Variants in RBFOX1 observed in about 807,000 individuals in gnomAD.
RBFOX1 encodes RNA binding fox-1 homolog 1.
A neutral mutation model predicts 57.7 loss-of-function variants in RBFOX1; 8 were observed. The observed-to-expected ratio is 0.14, with a 90% CI of 0.08 to 0.25. RBFOX1 has a LOEUF of 0.25. Among genes scored for constraint, RBFOX1 ranks in the 10% least tolerant of loss-of-function variants. The pLI, the probability that RBFOX1 is intolerant of heterozygous loss-of-function variation, is 1.00. For synonymous variants in RBFOX1, 326 were observed against 222.4 expected (o/e 1.47, Z -4.15); for missense variants, 611 against 548.5 (o/e 1.11, Z -1.14).
chr16:6,603,046 T>A (rs2097874746), intron 2 of RBFOX1, among the ~76,000 whole-genome samples: 1 of 152,220 alleles, frequency 6.6e-6, no homozygotes, highest in Admixed American at 6.5e-5. Context: ...GTATTTACTG[T>A]CATTGTCTAC....
At chr16:7,032,898 G>A (rs1310944099) in intron 3 of RBFOX1, among the ~76,000 whole-genome samples, 5 of 152,146 alleles carry the variant, frequency 3.3e-5, no homozygotes, top group Non-Finnish European at 7.4e-5. Context: ...CTGAGAGCAT[G>A]TCTCTCTTTT....
intron 10 of RBFOX1, 151 bp downstream of exon 10, chr16:7,607,489 G>A (rs2095322968): frequency 2.7e-6 from 2 of 748,854 alleles, no homozygotes; most frequent in Admixed American, 2.9e-5. Context: ...AATCAAGAGT[G>A]CTTAAAACAG....
chr16:6,489,094 G>A (rs764427934), intron 2 of RBFOX1, among the ~76,000 whole-genome samples: 4 of 152,112 alleles, frequency 2.6e-5, no homozygotes, highest in Non-Finnish European at 5.9e-5. Flanking sequence ...GGGTCGTTGT[G>A]ATTTAAAGTG....
chr16:6,313,825 T>TAA (rs60057850), intron 1 of RBFOX1, among the ~76,000 whole-genome samples: 44,208 of 150,094 alleles, frequency 0.29, 7,199 homozygotes, highest in Middle Eastern at 0.4. Flanking sequence ...ACATTTTAGT[T>TAA]AAAAAAAAAA....
chr16:5,241,730 A>T (rs8057166), intron 1 of RBFOX1, among the ~76,000 whole-genome samples: 1,546 of 152,330 alleles, frequency 0.01, 30 homozygotes, highest in African/African-American at 0.035. Flanking sequence ...TGTATGGTGG[A>T]TAAATGGGAC....
intron 4 of RBFOX1, among the ~76,000 whole-genome samples, chr16:7,459,654 A>C (rs1425004654): frequency 6.6e-6 from 1 of 152,218 alleles, no homozygotes; most frequent in Non-Finnish European, 1.5e-5. Flanking sequence ...TGTGTCTGTA[A>C]ATCACAGAAA....
chr16:5,700,293 GT>G (rs142559564), intron 3 of RBFOX1, among the ~76,000 whole-genome samples: 67 of 148,534 alleles, frequency 4.5e-4, no homozygotes, highest in Non-Finnish European at 6.3e-4. Flanking sequence ...CACTTTGACA[GT>G]TTTTTTTTTG....
intron 4 of RBFOX1, among the ~76,000 whole-genome samples, chr16:7,149,094 G>C (rs1601040126): frequency 6.6e-6 from 1 of 152,160 alleles, no homozygotes; most frequent in Non-Finnish European, 1.5e-5. Context: ...CACAGTGGGA[G>C]ACAGTCTTTG....
At chr16:7,252,154 G>A (rs1480445371) in intron 4 of RBFOX1, among the ~76,000 whole-genome samples, 1 of 152,206 alleles carries the variant, frequency 6.6e-6, no homozygotes, top group Non-Finnish European at 1.5e-5. Flanking sequence ...CTAGCTATGA[G>A]AACTCCTATT....
intron 4 of RBFOX1, among the ~76,000 whole-genome samples, chr16:7,467,455 C>T (rs1278321621): frequency 6.6e-6 from 1 of 152,106 alleles, no homozygotes; most frequent in Admixed American, 6.6e-5. Context: ...GGTTGAAAAA[C>T]CCCAAATGCC....
intron 3 of RBFOX1, among the ~76,000 whole-genome samples, chr16:5,606,831 G>T (rs2047599835): frequency 6.6e-6 from 1 of 152,158 alleles, no homozygotes; most frequent in Non-Finnish European, 1.5e-5. Flanking sequence ...AGAAGGAACA[G>T]AATCATCAGA....
At chr16:6,192,077 T>A (rs887397916) in intron 1 of RBFOX1, among the ~76,000 whole-genome samples, 1 of 152,212 alleles carries the variant, frequency 6.6e-6, no homozygotes, top group African/African-American at 2.4e-5. Flanking sequence ...GAATTCAGCA[T>A]GAGCTGCATC....
intron 2 of RBFOX1, among the ~76,000 whole-genome samples, chr16:5,535,747 T>G (rs552888982): frequency 1.6e-4 from 25 of 152,326 alleles, no homozygotes; most frequent in African/African-American, 5.8e-4. Flanking sequence ...TGACAGTGTT[T>G]CTGCTGGTAT....
chr16:7,536,711 C>T (rs1357357207), intron 5 of RBFOX1, among the ~76,000 whole-genome samples: 2 of 152,212 alleles, frequency 1.3e-5, no homozygotes, highest in African/African-American at 4.8e-5. Flanking sequence ...TGGAAGCCAG[C>T]TCTTAATGGC....
rs7190416 is a variant in RBFOX1 at position 6,459,282 on chromosome 16, G to T, written c.-64+142225G>T. On this transcript the variant is annotated intron_variant, in intron 2 of 15. Coordinates refer to ENST00000550418, the MANE Select transcript of RBFOX1 (RefSeq NM_018723.4). ...ACCCGGGAGGCAGAGGTTGCAGTGA[G>T]CCGAGATGGCGCCACTGCACTCCAG... 2.9e-3 allele frequency among the ~76,000 whole-genome samples: 449 copies of T among 152,320 alleles called. 2 individuals carry two copies. Among genetic ancestry groups the T allele is most frequent in the African/African-American group, 8.9e-3 (368 of 41,572 alleles).
In RBFOX1 at chr16:6,587,343, G is replaced by A. The variant is rs566389175; in HGVS notation, c.-63-67260G>A. On this transcript the variant is annotated intron_variant, in intron 2 of 15. Transcript: ENST00000550418. The stretch of plus-strand genomic sequence containing the variant: ...GTCACCCAGGCTATAGTGCCGTGGT[G>A]CCATCCTAGCTCACAGCAAACTTCG... Among the ~76,000 whole-genome samples, 149 of 152,092 alleles carry A rather than the reference G, an allele frequency of 9.8e-4. 1 individual carries two copies. The highest frequency in any genetic ancestry group is 3.3e-3 in the African/African-American group (137 of 41,476).
chr16:5,283,744 G>C (rs1169013555), intron 1 of RBFOX1, among the ~76,000 whole-genome samples: 1 of 152,176 alleles, frequency 6.6e-6, no homozygotes. Flanking sequence ...ATTGTATCTA[G>C]GAAGTAACTA....
At position 6,011,894 on chromosome 16, in the gene RBFOX1, T is replaced by C. The variant is rs575524696; in HGVS notation, c.351+144559T>C. Among the ~76,000 whole-genome samples, 4 of 152,336 alleles carry C rather than the reference T, an allele frequency of 2.6e-5. No homozygotes were observed. In the South Asian group the frequency reaches 8.3e-4, roughly 32 times the overall value. ...TAGTTTGAGGTAAAATGGTGTTGGCTGGAACACTCAGCCCAATATGAAGCA... is the reference window on the plus strand; with the variant it reads ...TAGTTTGAGGTAAAATGGTGTTGGCCGGAACACTCAGCCCAATATGAAGCA... On this transcript the variant is annotated intron_variant, in intron 4 of 19. Coordinates refer to the RBFOX1 transcript ENST00000641259.
intron 3 of RBFOX1, among the ~76,000 whole-genome samples, chr16:6,833,207 C>T (rs1453194057): frequency 6.6e-6 from 1 of 150,888 alleles, no homozygotes; most frequent in Non-Finnish European, 1.5e-5. Flanking sequence ...TTTCTGTCAC[C>T]CAGGGTGGAG....
Sources: allele counts gnomAD v4.1 joint callset (sites outside exome capture counted in the v4.1 genomes callset), GRCh38; gene constraint gnomAD v4.1.1; transcripts MANE v1.5; gene names NCBI Gene and HGNC (gene_info 2026-07-23, HGNC 2026-07-21).